The following GBE1 variants were observed in gnomAD, a reference collection of about 807,000 sequenced individuals.
GBE1 encodes the protein 1,4-alpha-glucan-branching enzyme.
Under a neutral mutation model 88.8 loss-of-function variants are expected in GBE1, and 70 were observed. The ratio of observed to expected loss-of-function variants is 0.79; its 90% CI spans 0.65 to 0.96. The LOEUF is 0.96. Among genes scored for constraint, GBE1 ranks in the 40% least tolerant of loss-of-function variants. The pLI is 0.00. For missense variants in GBE1, 872 were observed against 871.0 expected, an observed-to-expected ratio of 1.00 and a Z score of -0.01; for synonymous variants, 284 against 300.1, an observed-to-expected ratio of 0.95 and a Z score of 0.56.
chr3:81,490,493 TGAA>T, intron 15 of GBE1, 30 bp from the exon 16 acceptor site: 1 of 1,574,464 alleles, frequency 6.4e-7, no homozygotes, highest in Non-Finnish European at 8.7e-7. Context: ...TCAGTGCAAT[TGAA>T]GAAAGTACCA....
At chr3:81,534,315 T>G (rs1703045860) in intron 14 of GBE1, among the ~76,000 whole-genome samples, 1 of 152,028 alleles carries the variant, frequency 6.6e-6, no homozygotes, top group Non-Finnish European at 1.5e-5. Context: ...TTTACTAGTT[T>G]AAAAGCTCTA....
At chr3:81,748,961 G>A (rs1226119240) in intron 1 of GBE1, among the ~76,000 whole-genome samples, 1 of 147,150 alleles carries the variant, frequency 6.8e-6, no homozygotes, top group African/African-American at 2.5e-5. Flanking sequence ...GAGCCAAGAC[G>A]GTACCACTGC....
intron 3 of GBE1, among the ~76,000 whole-genome samples, chr3:81,659,133 CAG>C (rs942322336): frequency 2.9e-4 from 44 of 151,976 alleles, no homozygotes; most frequent in African/African-American, 9.4e-4. Context: ...ATTAAGTAAA[CAG>C]AGTTATAATC....
chr3:81,587,463 A>G (rs1703817127), intron 9 of GBE1, among the ~76,000 whole-genome samples: 3 of 152,130 alleles, frequency 2.0e-5, no homozygotes, highest in Admixed American at 6.5e-5. Context: ...TGCCAAATTC[A>G]TATCTTATGA....
chr3:81,750,659 G>GTGTGTA (rs61309629), intron 1 of GBE1, among the ~76,000 whole-genome samples: 3 of 35,300 alleles, frequency 8.5e-5, no homozygotes, highest in African/African-American at 6.4e-4. Context: ...ATATATATAT[G>GTGTGTA]TATATATATA....
At chr3:81,612,510 C>A in intron 7 of GBE1, 1 of 994,052 alleles carries the variant, frequency 1.0e-6, no homozygotes, top group Non-Finnish European at 1.6e-6. Flanking sequence ...TAATGCAGTG[C>A]ATCTTCGTCC....
At chr3:81,553,562 T>C (rs1275382548) in intron 12 of GBE1, among the ~76,000 whole-genome samples, 2 of 150,382 alleles carry the variant, frequency 1.3e-5, no homozygotes, top group Admixed American at 6.6e-5. Flanking sequence ...TAGTAGACTA[T>C]GTATTCCTCA....
At chr3:81,667,853 A>T (rs1366062517) in intron 3 of GBE1, among the ~76,000 whole-genome samples, 1 of 152,122 alleles carries the variant, frequency 6.6e-6, no homozygotes, top group East Asian at 1.9e-4. Context: ...GTTTGCCCGT[A>T]TTTTATTGAG....
intron 12 of GBE1, among the ~76,000 whole-genome samples, chr3:81,548,979 T>G (rs913448904): frequency 7.3e-5 from 11 of 151,098 alleles, no homozygotes; most frequent in African/African-American, 2.7e-4. Flanking sequence ...GAAACATATT[T>G]GTTTCTCTCT....
chr3:81,606,423 T>C (rs1704102553), intron 7 of GBE1, among the ~76,000 whole-genome samples: 1 of 152,242 alleles, frequency 6.6e-6, no homozygotes, highest in Admixed American at 6.5e-5. Context: ...AATAATGATT[T>C]ATGTTCAGGT....
intron 1 of GBE1, among the ~76,000 whole-genome samples, chr3:81,735,692 A>G (rs1489111282): frequency 1.3e-5 from 2 of 152,172 alleles, no homozygotes; most frequent in Non-Finnish European, 2.9e-5. Flanking sequence ...AGTAAACAGC[A>G]AGTCCCTTTA....
chr3:81,663,039 T>G (rs551751347), intron 3 of GBE1, among the ~76,000 whole-genome samples: 5 of 152,208 alleles, frequency 3.3e-5, no homozygotes, highest in East Asian at 1.9e-4. Flanking sequence ...AGTGGAAAAC[T>G]CAAAGATAAT....
intron 7 of GBE1, among the ~76,000 whole-genome samples, chr3:81,597,437 A>C (rs1056848458): frequency 6.8e-5 from 10 of 146,650 alleles, no homozygotes; most frequent in East Asian, 2.0e-4. Context: ...ATATATATAT[A>C]TCTCAAAAAT....
intron 1 of GBE1, among the ~76,000 whole-genome samples, chr3:81,736,016 T>C (rs774459159): frequency 2.6e-5 from 4 of 152,146 alleles, no homozygotes; most frequent in Non-Finnish European, 5.9e-5. Flanking sequence ...ACCTTATCCA[T>C]GAAGCCAAAG....
chr3:81,552,268 T>C (rs1441050136), intron 12 of GBE1, among the ~76,000 whole-genome samples: 2 of 152,096 alleles, frequency 1.3e-5, no homozygotes, highest in African/African-American at 4.8e-5. Flanking sequence ...CTGTAATCCC[T>C]GCACTTTGGG....
chr3:81,661,093 A>G (rs1403403802), intron 3 of GBE1, among the ~76,000 whole-genome samples: 1 of 152,200 alleles, frequency 6.6e-6, no homozygotes, highest in Non-Finnish European at 1.5e-5. Context: ...TACATAATTT[A>G]GAAGAAAAAA....
rs1553687946 is a variant in GBE1 at position 81,639,349 on chromosome 3, T to TAA, written c.992+3431_992+3432insTT. On this transcript the variant is annotated intron_variant, in intron 7 of 15. Transcript: ENST00000429644. Reference sequence around the variant, plus strand: ...TTTATAATGAAAGGTGTATTTTTTTTTAAAAAAAATGGCTATTTCAGACAT... The same window carrying TAA: ...TTTATAATGAAAGGTGTATTTTTTTTAATAAAAAAAATGGCTATTTCAGACAT... Among the ~76,000 whole-genome samples, 42 of 142,178 alleles carry TAA rather than the reference T, an allele frequency of 3.0e-4. No individual in the cohort carries two copies. In the East Asian group the frequency reaches 4.4e-3, roughly 15 times the overall value. The allele number at this position is 142,178 out of a possible 152,430, so 93.3% of individuals were successfully genotyped here.
chr3:81,668,734 T>G (rs897116122), intron 3 of GBE1, among the ~76,000 whole-genome samples: 3 of 152,168 alleles, frequency 2.0e-5, no homozygotes, highest in African/African-American at 7.2e-5. Context: ...TTAGTTATGT[T>G]TATTACAGTG....
At chr3:81,574,925 G>A (rs1703624094) in intron 12 of GBE1, among the ~76,000 whole-genome samples, 1 of 152,174 alleles carries the variant, frequency 6.6e-6, no homozygotes, top group African/African-American at 2.4e-5. Flanking sequence ...AGCACTTTGG[G>A]AGGCCGAGGC....
Sources: allele counts gnomAD v4.1 joint callset (sites outside exome capture counted in the v4.1 genomes callset), GRCh38; gene constraint gnomAD v4.1.1; transcripts MANE v1.5; gene names NCBI Gene and HGNC (gene_info 2026-07-23, HGNC 2026-07-21).